Variants in NBEA observed in about 807,000 individuals in gnomAD.
NBEA encodes the protein neurobeachin.
Under a neutral mutation model 343.4 loss-of-function variants are expected in NBEA, and 44 were observed. That is an observed-to-expected ratio of 0.13 (90% CI 0.10 to 0.16). The LOEUF (loss-of-function observed/expected upper bound fraction) is 0.16, where lower values mean the gene tolerates loss of function less well. NBEA is among the 10% of genes least tolerant of loss of function. The pLI, the probability that NBEA is intolerant of heterozygous loss-of-function variation, is 1.00. For missense variants in NBEA, 2,555 were observed against 3,631.3 expected, an observed-to-expected ratio of 0.70 and a Z score of 7.62; for synonymous variants, 1,175 against 1,238.7, an observed-to-expected ratio of 0.95 and a Z score of 1.08.
intron 1 of NBEA, among the ~76,000 whole-genome samples, chr13:34,951,569 A>C (rs1050536749): frequency 1.3e-5 from 2 of 152,236 alleles, no homozygotes; most frequent in East Asian, 1.9e-4. Flanking sequence ...TCTTAGGTAC[A>C]CACAGATCAT....
At chr13:34,988,503 C>G (rs569772710) in intron 1 of NBEA, among the ~76,000 whole-genome samples, 1 of 151,108 alleles carries the variant, frequency 6.6e-6, no homozygotes, top group African/African-American at 2.4e-5. Context: ...TCAGCAATGG[C>G]AGACCCCCCT....
intron 41 of NBEA, among the ~76,000 whole-genome samples, chr13:35,487,028 T>G: frequency 6.6e-6 from 1 of 152,046 alleles, no homozygotes; most frequent in East Asian, 1.9e-4. Context: ...TAAAGGTTTA[T>G]CCATATCATA....
chr13:35,439,233 A>G (rs1285062283), intron 39 of NBEA, among the ~76,000 whole-genome samples: 1 of 152,222 alleles, frequency 6.6e-6, no homozygotes, highest in African/African-American at 2.4e-5. Flanking sequence ...AGCACGAAAT[A>G]TCAATAGTAC....
At chr13:34,943,182 C>T in intron 1 of NBEA, 68 bp downstream of exon 1, 1 of 1,576,956 alleles carries the variant, frequency 6.3e-7, no homozygotes, top group South Asian at 1.1e-5. Context: ...GCGCCTTTCC[C>T]TCCCACCCTT....
intron 17 of NBEA, among the ~76,000 whole-genome samples, chr13:35,138,739 T>C (rs990913463): frequency 2.6e-5 from 4 of 151,928 alleles, no homozygotes; most frequent in African/African-American, 9.7e-5. Flanking sequence ...GAATTACAGG[T>C]GTGAGCCACT....
intron 41 of NBEA, among the ~76,000 whole-genome samples, chr13:35,521,097 C>CTGAATTGAT (rs1370110266): frequency 2.0e-5 from 3 of 151,910 alleles, no homozygotes; most frequent in Non-Finnish European, 2.9e-5. Flanking sequence ...TCAAATCACA[C>CTGAATTGAT]TGAATTGATC....
chr13:35,504,739 G>A (rs1241239360), intron 41 of NBEA, among the ~76,000 whole-genome samples: 2 of 151,942 alleles, frequency 1.3e-5, no homozygotes, highest in South Asian at 2.1e-4. Flanking sequence ...ATCAATCATA[G>A]CTGGGATTAT....
At chr13:35,280,078 A>G (rs531729365) in intron 34 of NBEA, among the ~76,000 whole-genome samples, 2 of 152,324 alleles carry the variant, frequency 1.3e-5, no homozygotes, top group South Asian at 4.1e-4. Flanking sequence ...ATTAATTTAT[A>G]GGGATATACA....
At chr13:35,581,895 AAAAAG>A (rs1157525056) in intron 45 of NBEA, among the ~76,000 whole-genome samples, 106 of 108,694 alleles carry the variant, frequency 9.8e-4, no homozygotes, top group Non-Finnish European at 2.1e-3. Flanking sequence ...AAAAAAAAAA[AAAAAG>A]AAAAGAAAAA....
intron 34 of NBEA, among the ~76,000 whole-genome samples, chr13:35,276,712 G>A (rs952147998): frequency 6.6e-6 from 1 of 152,120 alleles, no homozygotes; most frequent in African/African-American, 2.4e-5. Context: ...CACTTATATT[G>A]TAGTGTTTAC....
chr13:35,595,615 A>T (rs1218833729), intron 47 of NBEA, among the ~76,000 whole-genome samples: 1 of 152,142 alleles, frequency 6.6e-6, no homozygotes, highest in East Asian at 1.9e-4. Flanking sequence ...TGTAGTGAAC[A>T]TCTTTGCACA....
intron 1 of NBEA, among the ~76,000 whole-genome samples, chr13:35,003,371 AAAAG>A (rs144677009): frequency 0.016 from 2,394 of 152,272 alleles, 64 homozygotes; most frequent in African/African-American, 0.049. Context: ...TCATCTTAAA[AAAAG>A]AAAGAAAGGG....
At chr13:35,566,663 G>C (rs914507844) in intron 44 of NBEA, among the ~76,000 whole-genome samples, 1 of 152,142 alleles carries the variant, frequency 6.6e-6, no homozygotes, top group African/African-American at 2.4e-5. Context: ...AGGAAGAGGA[G>C]AATCAATTAC....
intron 38 of NBEA, among the ~76,000 whole-genome samples, chr13:35,372,091 C>A (rs902724637): frequency 6.6e-6 from 1 of 152,144 alleles, no homozygotes; most frequent in Non-Finnish European, 1.5e-5. Flanking sequence ...TTTTGAGTTT[C>A]CAGGTGGCTT....
Position 35,352,913 on chromosome 13 carries a change from A to G in NBEA, c.6179+590A>G, listed in dbSNP as rs545670096. On this transcript the variant is annotated intron_variant, in intron 38 of 58. Transcript: ENST00000379939. ...CCTAAAGTTTTGTGGACATACAATT[A>G]TTGTTGTTGTTGTTGTTGTTGTTAT... Among the ~76,000 whole-genome samples the G allele has an allele frequency of 2.6e-5, 4 of 151,978 alleles. No homozygotes were observed. The East Asian group carries it at 7.7e-4, about 29-fold the overall frequency.
At chr13:35,641,002 CAGTA>C (rs1254134055) in intron 49 of NBEA, among the ~76,000 whole-genome samples, 2 of 151,954 alleles carry the variant, frequency 1.3e-5, no homozygotes, top group East Asian at 3.9e-4. Flanking sequence ...ATTTTATAAT[CAGTA>C]AGAATCCATA....
chr13:35,607,491 A>C (rs1470300208), intron 48 of NBEA, among the ~76,000 whole-genome samples: 1 of 152,214 alleles, frequency 6.6e-6, no homozygotes. Context: ...ACCACTTTAC[A>C]AAACAGCCTC....
intron 38 of NBEA, among the ~76,000 whole-genome samples, chr13:35,368,921 A>G (rs2041273354): frequency 6.6e-6 from 1 of 151,738 alleles, no homozygotes; most frequent in African/African-American, 2.4e-5. Flanking sequence ...AAGGTTAGAA[A>G]GTGTGGCTAA....
At chr13:35,048,929 A>T (rs1292008337) in intron 5 of NBEA, among the ~76,000 whole-genome samples, 1 of 151,884 alleles carries the variant, frequency 6.6e-6, no homozygotes, top group Non-Finnish European at 1.5e-5. Context: ...AGTCAAAGGT[A>T]CAGACTTTCT....
Sources: gnomAD v4.1 joint callset for allele counts (sites outside exome capture counted in the v4.1 genomes callset) on GRCh38, gnomAD v4.1.1 for gene constraint, MANE v1.5 for transcripts, NCBI Gene and HGNC (gene_info 2026-07-23, HGNC 2026-07-21) for gene names.